The following CLCA4 variants were observed in gnomAD, a reference collection of about 807,000 sequenced individuals.
CLCA4 encodes the protein calcium-activated chloride channel regulator 4.
A neutral mutation model predicts 78.9 loss-of-function variants in CLCA4; 69 were observed. The observed-to-expected ratio is 0.87, with a 90% CI of 0.72 to 1.07. The LOEUF is 1.07. Ranked by LOEUF, CLCA4 falls within the 50% of genes least tolerant of loss-of-function variation. The probability of loss-of-function intolerance (pLI) is 0.00; values close to 1 mark genes in which losing one functional copy is unlikely to be tolerated. For missense variants in CLCA4, 1,133 were observed against 1,095.8 expected (o/e 1.03, Z -0.48); for synonymous variants, 362 against 375.8 (o/e 0.96, Z 0.42).
chr1:86,571,471 G>T, intron 8 of CLCA4: 1 of 417,000 alleles, frequency 2.4e-6, no homozygotes, highest in Non-Finnish European at 4.3e-6. Context: ...TACATAACAG[G>T]AGGAATATAG....
At position 86,579,373 on chromosome 1, in the gene CLCA4, G is replaced by A. The variant is rs139200920; in HGVS notation, c.2142G>A (p.Pro714=). The part of the protein sequence containing the change: ...WVVNGEIEAN[P]PRPEIDEDTQ... ...ATGCAGGGGAAATTGAAGCAAACCC[G>A]CCAAGACCTGAAATTGATGAGGATA... is the stretch of plus-strand genomic sequence containing the variant. The change falls in exon 13 of 14, where the codon CCG becomes CCA. Residue 714 remains proline (P), a synonymous_variant. Coordinates refer to ENST00000370563, the MANE Select transcript of CLCA4 (RefSeq NM_012128.4). 128 of 1,612,946 alleles carry A rather than the reference G, an allele frequency of 7.9e-5. No individual in the cohort carries two copies. The highest frequency in any genetic ancestry group is 7.6e-4 in the African/African-American group (57 of 74,938).
intron 1 of CLCA4, among the ~76,000 whole-genome samples, chr1:86,558,690 G>A (rs1439200091): frequency 6.6e-6 from 1 of 152,140 alleles, no homozygotes; most frequent in Non-Finnish European, 1.5e-5. Flanking sequence ...CCGAGCTAAG[G>A]GGGAAGCCCC....
At chr1:86,577,096 G>T (rs1650543254) in intron 11 of CLCA4, among the ~76,000 whole-genome samples, 1 of 152,042 alleles carries the variant, frequency 6.6e-6, no homozygotes, top group Non-Finnish European at 1.5e-5. Context: ...GCCTTCTTCA[G>T]ATATATCAAT....
intron 1 of CLCA4, among the ~76,000 whole-genome samples, chr1:86,558,541 T>C (rs1649915673): frequency 6.6e-6 from 1 of 152,136 alleles, no homozygotes; most frequent in South Asian, 2.1e-4. Flanking sequence ...TACCTGAGAC[T>C]GGATAATTTA....
chr1:86,565,585 T>A, intron 5 of CLCA4, 134 bp downstream of exon 5: 1 of 735,318 alleles, frequency 1.4e-6, no homozygotes, highest in Non-Finnish European at 2.2e-6. Flanking sequence ...TAACACATAG[T>A]ATTTGCTGAA....
rs766201137 is a variant in CLCA4, at chr1:86,580,230, C to T, written c.2645C>T (p.Thr882Ile). The T allele has an allele frequency of 1.2e-6, 2 of 1,611,182 alleles. No individual in the cohort carries two copies. The highest frequency in any genetic ancestry group is 1.7e-6 in the Non-Finnish European group (2 of 1,178,180). ...PDDIDPTPTP[T>I]PTPTPDKSHN... ...GACATTGATCCTACACCTACTCCTA[C>T]TCCTACTCCTACTCCTGATAAAAGT... The change falls in exon 14 of 14, where the codon ACT becomes ATT. Residue 882 changes from threonine to isoleucine, a missense_variant. By Grantham distance (89) the Thr-to-Ile change is moderately conservative. Transcript: ENST00000370563.
At chr1:86,573,389 T>C (rs964677742) in intron 9 of CLCA4, among the ~76,000 whole-genome samples, 4 of 151,980 alleles carry the variant, frequency 2.6e-5, no homozygotes, top group African/African-American at 9.7e-5. Flanking sequence ...CATGTGAACA[T>C]AGCCAGTTTC....
intron 1 of CLCA4, chr1:86,553,053 C>A: frequency 1.5e-6 from 1 of 657,548 alleles, no homozygotes; most frequent in South Asian, 1.8e-5. Context: ...GGCACAGAAT[C>A]TCCATGAAGA....
chr1:86,563,654 C>T lies in CLCA4; in HGVS notation c.449-7C>T, dbSNP rs2231585. On this transcript the variant is annotated splice_polypyrimidine_tract_variant and splice_region_variant and intron_variant, in intron 3 of 13. Coordinates refer to ENST00000370563, the MANE Select transcript of CLCA4 (RefSeq NM_012128.4). ...TATGATCATGTATTTGAAATGCTTT[C>T]CCACAGGCAAACTGTTTGTCCATGA... 22,558 of 1,492,688 alleles carry T rather than the reference C, an allele frequency of 0.015. 273 individuals carry two copies. Among genetic ancestry groups the T allele is most frequent in the Middle Eastern group, 0.046 (268 of 5,800 alleles). The allele number at this position is 1,492,688 out of a possible 1,614,324, so 92.5% of individuals were successfully genotyped here.
chr1:86,560,648 A>G (rs1165032493), intron 3 of CLCA4, among the ~76,000 whole-genome samples: 1 of 152,234 alleles, frequency 6.6e-6, no homozygotes, highest in Non-Finnish European at 1.5e-5. Context: ...AGAGAAAAGC[A>G]ATAATAAATG....
chr1:86,560,485 G>A (rs1228641475), intron 3 of CLCA4, 127 bp downstream of exon 3: 3 of 889,590 alleles, frequency 3.4e-6, no homozygotes, highest in Non-Finnish European at 5.0e-6. Context: ...CTTACTAGCT[G>A]TATGTGACCT....
intron 3 of CLCA4, among the ~76,000 whole-genome samples, chr1:86,560,991 C>G (rs1230236153): frequency 1.3e-5 from 2 of 152,062 alleles, no homozygotes; most frequent in Non-Finnish European, 2.9e-5. Context: ...TAAAGGAGGG[C>G]TCTACACATG....
chr1:86,569,219 C>A (rs1003620068), intron 7 of CLCA4, among the ~76,000 whole-genome samples: 9 of 151,816 alleles, frequency 5.9e-5, no homozygotes, highest in Non-Finnish European at 8.8e-5. Flanking sequence ...GGCCAATGAG[C>A]CTTCTCTAAA....
In CLCA4 at chr1:86,580,403, A is replaced by G; in HGVS notation, c.*58A>G. 1 of 1,288,282 alleles carries G rather than the reference A, an allele frequency of 7.8e-7. No homozygotes were observed. Among genetic ancestry groups the G allele is most frequent in the South Asian group, 1.6e-5 (1 of 60,998 alleles). The allele number at this position is 1,288,282 out of a possible 1,614,324, so 79.8% of individuals were successfully genotyped here. On this transcript the variant is annotated 3_prime_UTR_variant, in exon 14 of 14. Coordinates refer to ENST00000370563, the MANE Select transcript of CLCA4 (RefSeq NM_012128.4). Reference sequence around the variant, plus strand: ...CTAGAAGAGAGTTTTAAAAAACAAAACAATGTAAGTAAAGGATATTTCTGA... The same window carrying G: ...CTAGAAGAGAGTTTTAAAAAACAAAGCAATGTAAGTAAAGGATATTTCTGA...
chr1:86,566,924 G>A (rs1364965203), intron 6 of CLCA4, among the ~76,000 whole-genome samples: 1 of 151,988 alleles, frequency 6.6e-6, no homozygotes, highest in Non-Finnish European at 1.5e-5. Flanking sequence ...GGAAGATAGG[G>A]CCTTGGCCTC....
intron 1 of CLCA4, among the ~76,000 whole-genome samples, chr1:86,553,634 A>G (rs572087723): frequency 6.6e-6 from 1 of 152,302 alleles, no homozygotes; most frequent in South Asian, 2.1e-4. Context: ...TTTACTTCCC[A>G]TAAAAAGCTT....
chr1:86,553,336 C>T, intron 1 of CLCA4: 2 of 625,696 alleles, frequency 3.2e-6, no homozygotes, highest in Non-Finnish European at 2.9e-6. Context: ...AGTCCTCGTG[C>T]AAACATTGTG....
chr1:86,577,948 A>G lies in CLCA4; in HGVS notation c.1998A>G (p.Thr666=). Residue 666 remains threonine, a synonymous_variant, in exon 12 of 14, where the codon ACA becomes ACG. Coordinates refer to ENST00000370563, the MANE Select transcript of CLCA4 (RefSeq NM_012128.4). ...KNDGVYSRYF[T]AYTENGRYSL... is the part of the protein sequence containing the mutation. Reference sequence around the variant, plus strand: ...ATGGAGTCTACTCCAGGTATTTTACAGCATATACAGAAAATGGCAGATATA... The same window carrying G: ...ATGGAGTCTACTCCAGGTATTTTACGGCATATACAGAAAATGGCAGATATA... 1 of 1,612,882 alleles carries G rather than the reference A, an allele frequency of 6.2e-7. No homozygotes were observed.
intron 12 of CLCA4, among the ~76,000 whole-genome samples, chr1:86,579,023 T>C (rs78825349): frequency 0.014 from 2,185 of 152,100 alleles, 28 homozygotes; most frequent in Non-Finnish European, 0.022. Flanking sequence ...GAACTGGCAA[T>C]GATTTCCCCA....
Sources: allele counts gnomAD v4.1 joint callset (sites outside exome capture counted in the v4.1 genomes callset), GRCh38; gene constraint gnomAD v4.1.1; transcripts MANE v1.5; gene names NCBI Gene and HGNC (gene_info 2026-07-23, HGNC 2026-07-21).